The following PYGL variants were observed in gnomAD, a reference collection of about 807,000 sequenced individuals.
The protein encoded by PYGL is glycogen phosphorylase, liver form.
PYGL carries 90 observed loss-of-function variants against 100.1 expected under a neutral mutation model. The ratio of observed to expected loss-of-function variants is 0.90; its 90% CI spans 0.76 to 1.07. The LOEUF is 1.07. Among genes scored for constraint, PYGL ranks in the 50% least tolerant of loss-of-function variants. PYGL has a pLI of 0.00. For synonymous variants in PYGL, 373 were observed against 393.0 expected, an observed-to-expected ratio of 0.95 and a Z score of 0.60; for missense variants, 1,016 against 1,057.6, an observed-to-expected ratio of 0.96 and a Z score of 0.55.
At chr14:50,911,664 T>C in intron 16 of PYGL, 66 bp downstream of exon 16, 1 of 1,594,500 alleles carries the variant, frequency 6.3e-7, no homozygotes, top group East Asian at 2.2e-5. Context: ...GGCTGCCCCA[T>C]CTTTCATACC....
chr14:50,907,716 A>C (rs550717376), intron 19 of PYGL, among the ~76,000 whole-genome samples: 2 of 152,232 alleles, frequency 1.3e-5, no homozygotes, highest in African/African-American at 4.8e-5. Flanking sequence ...AAAAATATTG[A>C]ATTATTTGTG....
chr14:50,928,681 C>T (rs1441462003), intron 4 of PYGL, among the ~76,000 whole-genome samples: 1 of 152,168 alleles, frequency 6.6e-6, no homozygotes, highest in Non-Finnish European at 1.5e-5. Context: ...GCCTGCAAAT[C>T]TTCCTTGAAG....
intron 5 of PYGL, 179 bp downstream of exon 5, chr14:50,923,790 C>T (rs2139182365): frequency 2.8e-6 from 2 of 706,824 alleles, no homozygotes; most frequent in South Asian, 2.3e-5. Context: ...GCTCCTTTGT[C>T]TCCAAAATGA....
intron 10 of PYGL, 93 bp downstream of exon 10, chr14:50,915,732 G>A: frequency 6.6e-7 from 1 of 1,518,130 alleles, no homozygotes; most frequent in Non-Finnish European, 9.0e-7. Context: ...ATCAATGATT[G>A]AAAGATGTTT....
At chr14:50,912,452 A>G in intron 13 of PYGL, 149 bp from the exon 14 acceptor site, 1 of 925,254 alleles carries the variant, frequency 1.1e-6, no homozygotes, top group East Asian at 2.5e-5. Context: ...TCCACCTCCC[A>G]CATTCAAGCG....
chr14:50,937,913 G>GTTT, intron 1 of PYGL, 76 bp from the exon 2 acceptor site: 6 of 1,282,516 alleles, frequency 4.7e-6, no homozygotes, highest in Non-Finnish European at 6.7e-6. Flanking sequence ...AAGGTCATGT[G>GTTT]TTAGGTCACC....
chr14:50,938,883 C>A (rs1179804350), intron 1 of PYGL, among the ~76,000 whole-genome samples: 3 of 152,030 alleles, frequency 2.0e-5, no homozygotes, highest in African/African-American at 7.3e-5. Flanking sequence ...TTATAGGGCA[C>A]CTTGGTGGGT....
intron 1 of PYGL, among the ~76,000 whole-genome samples, chr14:50,943,537 C>T (rs1384189284): frequency 2.6e-5 from 4 of 152,242 alleles, no homozygotes. Context: ...CCTGGGCCGC[C>T]TTTGCGAAAG....
intron 5 of PYGL, among the ~76,000 whole-genome samples, chr14:50,921,720 CTAA>C (rs1481506915): frequency 2.0e-5 from 3 of 152,086 alleles, no homozygotes; most frequent in South Asian, 2.1e-4. Flanking sequence ...AGCCATTGCT[CTAA>C]TAATAATAAA....
intron 19 of PYGL, among the ~76,000 whole-genome samples, chr14:50,905,945 A>G (rs1380346501): frequency 6.6e-6 from 1 of 152,152 alleles, no homozygotes; most frequent in Non-Finnish European, 1.5e-5. Context: ...ATGTCAAGAG[A>G]CTTATCCTAT....
At chr14:50,927,707 TG>T (rs2050564820) in intron 4 of PYGL, among the ~76,000 whole-genome samples, 1 of 152,208 alleles carries the variant, frequency 6.6e-6, no homozygotes, top group Non-Finnish European at 1.5e-5. Context: ...AAAGAATTGG[TG>T]AATAATTCTA....
intron 19 of PYGL, among the ~76,000 whole-genome samples, chr14:50,907,864 G>A (rs943463861): frequency 2.6e-5 from 4 of 152,020 alleles, no homozygotes; most frequent in Non-Finnish European, 5.9e-5. Context: ...TGGCCAACAC[G>A]GTGAAACTCC....
chr14:50,916,060 C>T, intron 9 of PYGL, 89 bp from the exon 10 acceptor site: 2 of 1,537,502 alleles, frequency 1.3e-6, no homozygotes, highest in Non-Finnish European at 1.8e-6. Context: ...GCCCTGTCTG[C>T]AACAGGACCA....
chr14:50,910,935 A>G (rs2142789951), intron 16 of PYGL, among the ~76,000 whole-genome samples: 1 of 152,348 alleles, frequency 6.6e-6, no homozygotes, highest in South Asian at 2.1e-4. Flanking sequence ...TTTCTGCTTT[A>G]CTGTGAGAGC....
intron 4 of PYGL, among the ~76,000 whole-genome samples, chr14:50,929,135 C>A (rs1030285401): frequency 1.3e-5 from 2 of 152,120 alleles, no homozygotes; most frequent in African/African-American, 4.8e-5. Context: ...ATTGCAACCT[C>A]CATCTCCCAG....
Position 50,912,217 on chromosome 14 carries a change from C to G in PYGL, c.1707G>C (p.Lys569Asn). The change falls in exon 14 of 20, where the codon AAG becomes AAC. Residue 569 changes from lysine to asparagine, a missense_variant. Transcript: ENST00000216392. Reference protein sequence around the residue: ...NPSSMFDVQVKRIHEYKRQLL... With the variant: ...NPSSMFDVQVNRIHEYKRQLL... ...GCTGTCGCTTGTACTCATGTATCCTCTTCACCTGGACATCAAACATGGAGG... is the reference window on the plus strand; with the variant it reads ...GCTGTCGCTTGTACTCATGTATCCTGTTCACCTGGACATCAAACATGGAGG... 6.2e-7 allele frequency: 1 copy of G among 1,614,198 alleles called. No individual in the cohort carries two copies. The highest frequency in any genetic ancestry group is 1.1e-5 in the South Asian group (1 of 91,084).
intron 19 of PYGL, among the ~76,000 whole-genome samples, chr14:50,905,802 TACA>T (rs2050329372): frequency 6.6e-6 from 1 of 152,256 alleles, no homozygotes; most frequent in Non-Finnish European, 1.5e-5. Context: ...ACCATGGATG[TACA>T]TTGCCTAGTT....
intron 1 of PYGL, among the ~76,000 whole-genome samples, chr14:50,943,301 C>G (rs987653003): frequency 1.9e-4 from 29 of 152,190 alleles, no homozygotes; most frequent in African/African-American, 7.0e-4. Flanking sequence ...CCAGTCCTTC[C>G]CCACTGCCTC....
At chr14:50,922,284 G>A (rs1029701188) in intron 5 of PYGL, among the ~76,000 whole-genome samples, 2 of 152,152 alleles carry the variant, frequency 1.3e-5, no homozygotes, top group African/African-American at 2.4e-5. Flanking sequence ...ACTTAAACAC[G>A]CATCTCTTTA....
Sources: gnomAD v4.1 joint callset for allele counts (sites outside exome capture counted in the v4.1 genomes callset) on GRCh38, gnomAD v4.1.1 for gene constraint, MANE v1.5 for transcripts, NCBI Gene and HGNC (gene_info 2026-07-23, HGNC 2026-07-21) for gene names.